Variants in B4GALT4 observed in about 807,000 individuals in gnomAD.
B4GALT4 encodes N-acetyllactosamine synthase.
A neutral mutation model predicts 37.3 loss-of-function variants in B4GALT4; 27 were observed. The observed-to-expected ratio is 0.72, with a 90% confidence interval of 0.53 to 1.00. The LOEUF (loss-of-function observed/expected upper bound fraction) is 1.00. Ranked by LOEUF, B4GALT4 falls within the 50% of genes least tolerant of loss-of-function variation. The pLI is 0.00. For synonymous variants in B4GALT4, 148 were observed against 154.1 expected, an observed-to-expected ratio of 0.96 and a Z score of 0.29; for missense variants, 372 against 413.1, an observed-to-expected ratio of 0.90 and a Z score of 0.86.
intron 3 of B4GALT4, among the ~76,000 whole-genome samples, chr3:119,227,303 A>G (rs1251648034): frequency 6.6e-6 from 1 of 152,216 alleles, no homozygotes; most frequent in Admixed American, 6.5e-5. Flanking sequence ...AACTTGCTCT[A>G]TGATCCATCT....
chr3:119,235,057 A>G lies in B4GALT4; in HGVS notation c.-146+1796T>C, dbSNP rs1283854176. 3.9e-5 allele frequency: 6 copies of G among 152,368 alleles called. No individual in the cohort carries two copies. In the East Asian group the frequency reaches 1.2e-3, roughly 29 times the overall value. 9.4% of individuals were successfully genotyped at this position (152,368 alleles called of 1,614,324 possible). On this transcript the variant is annotated intron_variant, in intron 2 of 7. Transcript: ENST00000393765. The stretch of plus-strand genomic sequence containing the variant: ...ATCTCAATGTCTGCAATTTCCTGTC[A>G]AATATGAGAACAACATCCCAAAGTG...
intron 1 of B4GALT4, among the ~76,000 whole-genome samples, chr3:119,238,664 T>C (rs1195685959): frequency 6.6e-6 from 1 of 152,178 alleles, no homozygotes; most frequent in African/African-American, 2.4e-5. Flanking sequence ...AGTTATACTT[T>C]AGTATAGATA....
chr3:119,216,486 C>CTTGA, intron 6 of B4GALT4, 142 bp from the exon 7 acceptor site: 1 of 479,654 alleles, frequency 2.1e-6, no homozygotes, highest in East Asian at 3.5e-5. Context: ...TCACAAACAG[C>CTTGA]TTGATTATTG....
In B4GALT4 at chr3:119,218,673, G is replaced by A. The variant is rs183964259; in HGVS notation, c.774C>T (p.Gly258=). The A allele has an allele frequency of 1.8e-5, 29 of 1,614,112 alleles. No homozygotes were observed. In the East Asian group the frequency reaches 2.5e-4, roughly 14 times the overall value. The part of the protein sequence containing the change: ...GFSNNYWGWG[G]EDDDLRLRVE... ...ACCTGAGTCTGAGGTCATCGTCTTC[G>A]CCTCCCCATCCCCAGTAGTTGTTAG... Residue 258 remains glycine, a synonymous_variant, in exon 6 of 8, where the codon GGC becomes GGT. Transcript: ENST00000393765.
intron 7 of B4GALT4, chr3:119,213,978 C>G (rs1222302723): frequency 6.6e-6 from 1 of 152,120 alleles, no homozygotes; most frequent in Non-Finnish European, 1.5e-5. Context: ...AATCCTAGAA[C>G]TTTGGGAGGC....
chr3:119,212,082 C>CTGT lies in B4GALT4; in HGVS notation c.*466_*467insACA. The CTGT allele has an allele frequency of 1.4e-6, 1 of 696,546 alleles. No individual in the cohort carries two copies. Among genetic ancestry groups the CTGT allele is most frequent in the African/African-American group, 1.7e-5 (1 of 57,178 alleles). 43.1% of individuals were successfully genotyped at this position (696,546 alleles called of 1,614,324 possible). On this transcript the variant is annotated 3_prime_UTR_variant, in exon 8 of 8. Coordinates refer to ENST00000393765, the MANE Select transcript of B4GALT4 (RefSeq NM_003778.4). ...TGGACGCCTTCTCACCTGACACCAC[C>CTGT]ACTTCACAGATGATTGTACAGGATA...
rs763991177 is a variant in B4GALT4, at chr3:119,229,842, C to T, written c.253+5G>A. On this transcript the variant is annotated splice_donor_5th_base_variant and intron_variant, in intron 3 of 7. Coordinates refer to ENST00000393765, the MANE Select transcript of B4GALT4 (RefSeq NM_003778.4). The stretch of plus-strand genomic sequence containing the variant: ...ACTTAATCAAAGGAAAAAAGCAACA[C>T]TTACTGAGGTAAGGAGACACAGAAG... 1.9e-6 allele frequency: 3 copies of T among 1,613,058 alleles called. No homozygotes were observed. The highest frequency in any genetic ancestry group is 1.7e-5 in the Admixed American group (1 of 59,922).
At chr3:119,239,067 C>T (rs1321123600) in intron 1 of B4GALT4, among the ~76,000 whole-genome samples, 1 of 152,132 alleles carries the variant, frequency 6.6e-6, no homozygotes, top group Non-Finnish European at 1.5e-5. Flanking sequence ...GCCCATGGTA[C>T]ACATCTGTAA....
intron 4 of B4GALT4, among the ~76,000 whole-genome samples, chr3:119,224,447 T>C (rs1463565545): frequency 1.3e-5 from 2 of 152,252 alleles, no homozygotes; most frequent in East Asian, 3.8e-4. Context: ...CACATACTTA[T>C]ATTCCAGAAC....
At chr3:119,231,920 T>C (rs1205428782) in intron 2 of B4GALT4, among the ~76,000 whole-genome samples, 2 of 150,470 alleles carry the variant, frequency 1.3e-5, no homozygotes, top group African/African-American at 2.4e-5. Context: ...ATTTTACATA[T>C]ATCATTTTAT....
Position 119,230,162 on chromosome 3 carries a change from T to C in B4GALT4, c.-63A>G. On this transcript the variant is annotated 5_prime_UTR_variant, in exon 3 of 8. Transcript: ENST00000393765. ...CACTGCAGGCAAGAAAGCTTCAAGT[T>C]GAGCTTTTCCAATCTGATTGCGAAC... is the stretch of plus-strand genomic sequence containing the variant. The C allele has an allele frequency of 6.3e-7, 1 of 1,582,894 alleles. No individual in the cohort carries two copies. Among genetic ancestry groups the C allele is most frequent in the East Asian group, 2.2e-5 (1 of 44,622 alleles).
At chr3:119,215,059 A>C (rs2078253517) in intron 7 of B4GALT4, 1 of 152,218 alleles carries the variant, frequency 6.6e-6, no homozygotes, top group Non-Finnish European at 1.5e-5. Flanking sequence ...GAGAAATCCC[A>C]GTGTGATGGT....
At chr3:119,217,262 C>T (rs1576890841) in intron 6 of B4GALT4, among the ~76,000 whole-genome samples, 1 of 152,238 alleles carries the variant, frequency 6.6e-6, no homozygotes, top group African/African-American at 2.4e-5. Flanking sequence ...CTAGCCTTTG[C>T]TACTCTTGTC....
intron 3 of B4GALT4, among the ~76,000 whole-genome samples, chr3:119,227,850 A>G (rs776278620): frequency 1.2e-4 from 18 of 152,318 alleles, no homozygotes; most frequent in Middle Eastern, 3.4e-3. Context: ...GAAAGTCGCC[A>G]TGACTTGTTC....
At chr3:119,240,698 G>A (rs1302015568) in intron 1 of B4GALT4, 152 bp downstream of exon 1, 1 of 152,404 alleles carries the variant, frequency 6.6e-6, no homozygotes, top group African/African-American at 2.4e-5. Context: ...TCCGGCTGAG[G>A]CGGGACTGCC....
At chr3:119,229,366 C>T (rs183818522) in intron 3 of B4GALT4, among the ~76,000 whole-genome samples, 41 of 152,282 alleles carry the variant, frequency 2.7e-4, no homozygotes, top group African/African-American at 7.7e-4. Context: ...GTTCCTATGA[C>T]GGAATACTAT....
chr3:119,222,533 C>G (rs573385339), intron 5 of B4GALT4, among the ~76,000 whole-genome samples: 7 of 152,152 alleles, frequency 4.6e-5, no homozygotes, highest in Non-Finnish European at 1.0e-4. Flanking sequence ...TTTCTCCCAT[C>G]CTTCCCCAGC....
intron 7 of B4GALT4, chr3:119,215,056 C>A (rs950865330): frequency 6.6e-6 from 1 of 152,122 alleles, no homozygotes; most frequent in Non-Finnish European, 1.5e-5. Context: ...GCAGAGAAAT[C>A]CCAGTGTGAT....
At chr3:119,213,040 T>C (rs1362345471) in intron 7 of B4GALT4, 1 of 164,214 alleles carries the variant, frequency 6.1e-6, no homozygotes, top group Non-Finnish European at 1.3e-5. Context: ...CTTCCTATGT[T>C]ATAAGGAAAG....
Sources: gnomAD v4.1 joint callset for allele counts (sites outside exome capture counted in the v4.1 genomes callset) on GRCh38, gnomAD v4.1.1 for gene constraint, MANE v1.5 for transcripts, NCBI Gene and HGNC (gene_info 2026-07-23, HGNC 2026-07-21) for gene names.